The following SLF2 variants were observed in gnomAD, a reference collection of about 807,000 sequenced individuals.
The protein encoded by SLF2 is SMC5/6 complex localization factor 2, also known as SMC5-SMC6 complex localization factor protein 2.
In SLF2, 68 loss-of-function variants were observed where a neutral mutation model predicts 124.3. The ratio of observed to expected loss-of-function variants is 0.55; its 90% CI spans 0.45 to 0.67. The LOEUF is 0.67. Ranked by LOEUF, SLF2 falls within the 30% of genes least tolerant of loss-of-function variation. SLF2 has a pLI of 0.00. For synonymous variants in SLF2, 480 were observed against 478.8 expected, an observed-to-expected ratio of 1.00 and a Z score of -0.03; for missense variants, 1,246 against 1,373.7, an observed-to-expected ratio of 0.91 and a Z score of 1.47.
At chr10:100,914,303 TGTGTGTGTG>T (rs1201099812) in intron 1 of SLF2, among the ~76,000 whole-genome samples, 1 of 118,496 alleles carries the variant, frequency 8.4e-6, no homozygotes, top group Admixed American at 8.7e-5. Flanking sequence ...TAATTGTGTG[TGTGTGTGTG>T]TTTTTTTTTA....
At chr10:100,916,481 T>G in intron 2 of SLF2, 89 bp from the exon 3 acceptor site, 1 of 1,088,452 alleles carries the variant, frequency 9.2e-7, no homozygotes, top group Non-Finnish European at 1.2e-6. Flanking sequence ...TTAGTATAGT[T>G]TAATTTATAT....
rs1452821068 is a variant in SLF2, at chr10:100,921,722, A to G, written c.974-2253A>G. Among the ~76,000 whole-genome samples, 7 of 152,224 alleles carry G rather than the reference A, an allele frequency of 4.6e-5. 1 individual carries two copies. Among genetic ancestry groups the G allele is most frequent in the Non-Finnish European group, 7.3e-5 (5 of 68,032 alleles). On this transcript the variant is annotated intron_variant, in intron 4 of 19. Coordinates refer to ENST00000238961, the MANE Select transcript of SLF2 (RefSeq NM_018121.4). Reference sequence around the variant, plus strand: ...CAGGAATTTCTCCTCATTTCTAGCTATATTTAAATTATCTGACTTCTCTAG... The same window carrying G: ...CAGGAATTTCTCCTCATTTCTAGCTGTATTTAAATTATCTGACTTCTCTAG...
chr10:100,959,971 A>T (rs1249336824), intron 19 of SLF2, among the ~76,000 whole-genome samples: 1 of 152,150 alleles, frequency 6.6e-6, no homozygotes. Flanking sequence ...ACTCCTCCCA[A>T]ATCCTAGGCA....
At chr10:100,930,607 C>T (rs915969317) in intron 8 of SLF2, among the ~76,000 whole-genome samples, 2 of 152,176 alleles carry the variant, frequency 1.3e-5, no homozygotes, top group African/African-American at 2.4e-5. Context: ...CACCACAGTG[C>T]CCAAACTGAT....
chr10:100,947,904 G>A, intron 15 of SLF2, 57 bp downstream of exon 15: 1 of 1,356,356 alleles, frequency 7.4e-7, no homozygotes, highest in Non-Finnish European at 1.0e-6. Context: ...AGAGGTGTAA[G>A]GAAAATTGAT....
At chr10:100,931,297 C>T (rs546530340) in intron 9 of SLF2, among the ~76,000 whole-genome samples, 4 of 152,188 alleles carry the variant, frequency 2.6e-5, no homozygotes, top group Non-Finnish European at 5.9e-5. Flanking sequence ...TTAGTTGTGC[C>T]TGAACCCTTC....
In SLF2 at chr10:100,924,206, G is replaced by A. The variant is rs757413088; in HGVS notation, c.1205G>A (p.Gly402Asp). Residue 402 changes from glycine (G) to aspartate (D), a missense_variant, in exon 5 of 20, where the codon GGC (glycine) becomes GAC (aspartate). Gly to Asp is a moderately conservative substitution (Grantham distance 94). This residue lies in a region of SLF2 where 698 missense variants were observed against 708.9 expected (regional missense o/e 0.98). Transcript: ENST00000238961. ...ISKEPSDETDGSSAGLAPSNS... is the reference protein window; with the variant it reads ...ISKEPSDETDDSSAGLAPSNS... The stretch of plus-strand genomic sequence containing the variant: ...AAGGAACCGAGTGATGAAACTGATG[G>A]CTCTTCTGCAGGCTTGGCACCTTCA... 9 of 1,613,986 alleles carry A rather than the reference G, an allele frequency of 5.6e-6. No homozygotes were observed. In the South Asian group the frequency reaches 9.9e-5, roughly 18 times the overall value.
intron 6 of SLF2, 99 bp downstream of exon 6, chr10:100,926,118 C>T (rs1230640369): frequency 6.3e-7 from 1 of 1,594,088 alleles, no homozygotes; most frequent in South Asian, 1.1e-5. Context: ...GAGAAATTAG[C>T]GTGCATTTTG....
intron 1 of SLF2, among the ~76,000 whole-genome samples, chr10:100,914,309 TG>T (rs1450353480): frequency 2.5e-5 from 3 of 118,318 alleles, no homozygotes; most frequent in Non-Finnish European, 6.4e-5. Context: ...TGTGTGTGTG[TG>T]TGTTTTTTTT....
rs751315661 is a variant in SLF2, at chr10:100,951,957, G to A, written c.3330+1204G>A. ...CAATTCCTGTTTTAAAACTTAGGTCGGACATGCCGGGCACGGTGGCACACC... is the reference window on the plus strand; with the variant it reads ...CAATTCCTGTTTTAAAACTTAGGTCAGACATGCCGGGCACGGTGGCACACC... On this transcript the variant is annotated intron_variant, in intron 17 of 19. Transcript: ENST00000238961. Among the ~76,000 whole-genome samples the A allele has an allele frequency of 3.9e-5, 6 of 152,052 alleles. No individual in the cohort carries two copies. In the South Asian group the frequency reaches 6.2e-4, roughly 16 times the overall value.
At chr10:100,948,577 G>T (rs1361976371) in intron 15 of SLF2, among the ~76,000 whole-genome samples, 1 of 152,096 alleles carries the variant, frequency 6.6e-6, no homozygotes, top group African/African-American at 2.4e-5. Flanking sequence ...GGCTGCCCTT[G>T]CTTGGATTTG....
chr10:100,918,513 T>C, intron 4 of SLF2, 72 bp downstream of exon 4: 1 of 1,002,650 alleles, frequency 1.0e-6, no homozygotes, highest in Non-Finnish European at 1.5e-6. Context: ...TTAAAATAAA[T>C]TTGTTTAAAT....
At chr10:100,913,623 TAA>T (rs1849364327) in intron 1 of SLF2, 1 of 1,092,342 alleles carries the variant, frequency 9.2e-7, no homozygotes, top group South Asian at 4.4e-5. Context: ...TTTAGTAATA[TAA>T]ACCTTTTCTA....
chr10:100,916,802 C>T lies in SLF2; in HGVS notation c.417C>T (p.Ala139=), dbSNP rs1487900630. The T allele has an allele frequency of 1.2e-6, 2 of 1,613,944 alleles. No individual in the cohort carries two copies. Among genetic ancestry groups the T allele is most frequent in the Admixed American group, 1.7e-5 (1 of 59,958 alleles). Residue 139 remains alanine (A), a synonymous_variant, in exon 3 of 20, where the codon GCC becomes GCT. Coordinates refer to ENST00000238961, the MANE Select transcript of SLF2 (RefSeq NM_018121.4). ...HESRRPCLSL[A]SKYLAKGTNI... is the part of the protein sequence containing the mutation. ...CACGTCGGCCTTGTCTGTCACTAGCCTCCAAATATTTAGCCAAAGGAACAA... is the reference window on the plus strand; with the variant it reads ...CACGTCGGCCTTGTCTGTCACTAGCTTCCAAATATTTAGCCAAAGGAACAA...
intron 3 of SLF2, among the ~76,000 whole-genome samples, chr10:100,918,149 A>G (rs543807851): frequency 2.8e-4 from 43 of 152,340 alleles, no homozygotes; most frequent in African/African-American, 8.9e-4. Context: ...CAGCATTTTG[A>G]AAACTGACTT....
At chr10:100,922,505 A>G (rs1189789339) in intron 4 of SLF2, among the ~76,000 whole-genome samples, 1 of 152,178 alleles carries the variant, frequency 6.6e-6, no homozygotes. Context: ...GTGCCCAGCC[A>G]TTTTAGGTTT....
intron 11 of SLF2, among the ~76,000 whole-genome samples, chr10:100,939,946 C>G (rs944364372): frequency 6.6e-6 from 1 of 152,158 alleles, no homozygotes; most frequent in African/African-American, 2.4e-5. Flanking sequence ...AACATTTCAG[C>G]TAGAGACTAT....
intron 18 of SLF2, among the ~76,000 whole-genome samples, chr10:100,956,924 C>T (rs1039247705): frequency 5.3e-5 from 8 of 151,652 alleles, no homozygotes; most frequent in Admixed American, 5.3e-4. Flanking sequence ...GACTCTGTCT[C>T]GAAAACAAAA....
intron 6 of SLF2, among the ~76,000 whole-genome samples, chr10:100,928,813 G>A (rs1476247085): frequency 6.6e-6 from 1 of 152,176 alleles, no homozygotes; most frequent in African/African-American, 2.4e-5. Flanking sequence ...TTAGTGCAGT[G>A]CCTGTCACAT....
Sources: allele counts gnomAD v4.1 joint callset (sites outside exome capture counted in the v4.1 genomes callset), GRCh38; gene constraint gnomAD v4.1.1; regional missense constraint gnomAD v4.1.1; transcripts MANE v1.5; gene names NCBI Gene and HGNC (gene_info 2026-07-23, HGNC 2026-07-21).